Variants in CHDH observed in about 807,000 individuals in gnomAD.
CHDH encodes choline dehydrogenase, also known as choline dehydrogenase, mitochondrial.
In CHDH, 43 loss-of-function variants were observed where a neutral mutation model predicts 56.9. That is an observed-to-expected ratio of 0.76 (90% CI 0.59 to 0.97). CHDH has a LOEUF of 0.97. Among genes scored for constraint, CHDH ranks in the 50% least tolerant of loss-of-function variants. CHDH has a pLI of 0.00. For synonymous variants in CHDH, 364 were observed against 348.5 expected (o/e 1.04, Z -0.50); for missense variants, 816 against 821.1 (o/e 0.99, Z 0.08).
intron 2 of CHDH, among the ~76,000 whole-genome samples, chr3:53,840,478 G>C (rs972249024): frequency 1.3e-5 from 2 of 151,862 alleles, no homozygotes; most frequent in African/African-American, 4.8e-5. Context: ...CGTGAGCTAT[G>C]ATCTTGCCAC....
rs114763019 is a variant in CHDH, at chr3:53,843,042, G to A, written c.-130-2043C>T. On this transcript the variant is annotated intron_variant, in intron 1 of 8. Transcript: ENST00000315251. Reference sequence around the variant, plus strand: ...CTGGAAAATTCCACCTGTGTGGGTGGAGGCTGGACCCGCAGGACTTGTCAA... The same window carrying A: ...CTGGAAAATTCCACCTGTGTGGGTGAAGGCTGGACCCGCAGGACTTGTCAA... 7.1e-3 allele frequency among the ~76,000 whole-genome samples: 1,074 copies of A among 152,200 alleles called. 14 individuals are homozygous for A. Among genetic ancestry groups the A allele is most frequent in the African/African-American group, 0.025 (1,026 of 41,524 alleles).
At chr3:53,826,974 AACAC>A (rs1243104826) in intron 2 of CHDH, among the ~76,000 whole-genome samples, 1 of 152,218 alleles carries the variant, frequency 6.6e-6, no homozygotes, top group Non-Finnish European at 1.5e-5. Flanking sequence ...TGAAATTAAA[AACAC>A]AATATCATTT....
chr3:53,832,890 T>C (rs1027156418), intron 2 of CHDH, among the ~76,000 whole-genome samples: 2 of 152,212 alleles, frequency 1.3e-5, no homozygotes, highest in African/African-American at 4.8e-5. Context: ...GTGAATATAC[T>C]TAATGCCACT....
Position 53,823,824 on chromosome 3 carries a change from TC to T in CHDH, c.184del (p.Asp62ThrfsTer156). On this transcript the variant is annotated frameshift_variant, in exon 3 of 9. Transcript: ENST00000315251. LOFTEE classifies it high-confidence loss of function. The part of the protein sequence containing the change: ...GCVLAGRLTE[D>X]PAERVLLLEA... The stretch of plus-strand genomic sequence containing the variant: ...CAGCAGCAGCACGCGCTCGGCGGGG[TC>T]CTCCGTGAGCCTCCCAGCCAGCACG... 1.3e-6 allele frequency: 2 copies of T among 1,583,116 alleles called. No homozygotes were observed. The highest frequency in any genetic ancestry group is 1.7e-6 in the Non-Finnish European group (2 of 1,171,934).
intron 2 of CHDH, among the ~76,000 whole-genome samples, chr3:53,824,565 A>C (rs566930258): frequency 6.6e-6 from 1 of 152,312 alleles, no homozygotes; most frequent in South Asian, 2.1e-4. Context: ...TAAATAACTG[A>C]AGGAAGATCA....
chr3:53,838,941 C>T (rs1698589523), intron 2 of CHDH, among the ~76,000 whole-genome samples: 1 of 152,164 alleles, frequency 6.6e-6, no homozygotes, highest in African/African-American at 2.4e-5. Flanking sequence ...GATCAGGCCC[C>T]ATCATCTCCA....
At chr3:53,844,687 CCCA>C (rs1698795044) in intron 1 of CHDH, 1 of 152,538 alleles carries the variant, frequency 6.6e-6, no homozygotes, top group African/African-American at 2.4e-5. Context: ...CAGAGCCTGG[CCCA>C]CAGCACAGAA....
chr3:53,842,470 G>A (rs760017994), intron 1 of CHDH, among the ~76,000 whole-genome samples: 2 of 152,138 alleles, frequency 1.3e-5, no homozygotes, highest in Non-Finnish European at 2.9e-5. Context: ...TTGAGAGAAC[G>A]ACAACAGTAC....
In CHDH at chr3:53,823,865, C is replaced by T. The variant is rs1374557174; in HGVS notation, c.144G>A (p.Ala48=). ...RDEYSYVVVG[A]GSAGCVLAGR... ...CAGCCAGCACGCAGCCCGCCGAGCC[C>T]GCGCCCACCACCACATAGCTGTACT... Residue 48 remains alanine (A), a synonymous_variant, in exon 3 of 9, where the codon GCG becomes GCA. Transcript: ENST00000315251. 2.5e-6 allele frequency: 4 copies of T among 1,591,212 alleles called. No homozygotes were observed. Among genetic ancestry groups the T allele is most frequent in the Admixed American group, 1.7e-5 (1 of 58,860 alleles).
intron 3 of CHDH, among the ~76,000 whole-genome samples, 160 bp from the exon 4 acceptor site, chr3:53,822,802 C>G (rs2095630228): frequency 1.3e-5 from 2 of 151,628 alleles, no homozygotes; most frequent in Middle Eastern, 3.4e-3. Flanking sequence ...AAGACCCTGC[C>G]CTACTGAGTC....
intron 6 of CHDH, among the ~76,000 whole-genome samples, chr3:53,820,194 C>A (rs919744966): frequency 6.6e-6 from 1 of 152,220 alleles, no homozygotes; most frequent in East Asian, 1.9e-4. Flanking sequence ...CCTGCTCATC[C>A]GTAAGGAGGA....
At chr3:53,825,260 C>T (rs1395840142) in intron 2 of CHDH, among the ~76,000 whole-genome samples, 1 of 152,168 alleles carries the variant, frequency 6.6e-6, no homozygotes, top group Non-Finnish European at 1.5e-5. Context: ...AAAAGCAAGG[C>T]AAATAATGAC....
chr3:53,824,938 TG>T (rs2095636252), intron 2 of CHDH, among the ~76,000 whole-genome samples: 1 of 152,174 alleles, frequency 6.6e-6, no homozygotes, highest in Non-Finnish European at 1.5e-5. Context: ...CCACAAGCCC[TG>T]CACCAAGTAA....
At chr3:53,839,066 G>A (rs1036647769) in intron 2 of CHDH, among the ~76,000 whole-genome samples, 2 of 152,184 alleles carry the variant, frequency 1.3e-5, no homozygotes, top group Non-Finnish European at 2.9e-5. Context: ...AACAAGCGGG[G>A]AGCCCGGACC....
intron 2 of CHDH, among the ~76,000 whole-genome samples, chr3:53,834,526 G>A (rs889241928): frequency 6.6e-5 from 10 of 152,312 alleles, no homozygotes; most frequent in African/African-American, 2.2e-4. Flanking sequence ...TGCTTTATAC[G>A]ACAAGACAGA....
At chr3:53,820,960 A>G (rs1253550253) in intron 5 of CHDH, among the ~76,000 whole-genome samples, 1 of 152,238 alleles carries the variant, frequency 6.6e-6, no homozygotes, top group East Asian at 1.9e-4. Flanking sequence ...TGATGGCCAG[A>G]GGGGCAGACA....
intron 1 of CHDH, among the ~76,000 whole-genome samples, chr3:53,845,565 C>T (rs992399061): frequency 2.6e-5 from 4 of 152,072 alleles, no homozygotes; most frequent in Admixed American, 1.3e-4. Context: ...TGAACTTTCC[C>T]CCAAACCCAC....
intron 2 of CHDH, among the ~76,000 whole-genome samples, chr3:53,833,169 A>G (rs1698389185): frequency 6.6e-6 from 1 of 152,216 alleles, no homozygotes; most frequent in Non-Finnish European, 1.5e-5. Context: ...AATTGACAAG[A>G]TCAAGAGGCA....
intron 4 of CHDH, 118 bp downstream of exon 4, chr3:53,822,373 T>G: frequency 1.0e-6 from 1 of 958,106 alleles, no homozygotes; most frequent in Admixed American, 2.3e-5. Flanking sequence ...CCCCCCGCCA[T>G]CACAGGGATG....
Sources: allele counts gnomAD v4.1 joint callset (sites outside exome capture counted in the v4.1 genomes callset), GRCh38; gene constraint gnomAD v4.1.1; transcripts MANE v1.5; gene names NCBI Gene and HGNC (gene_info 2026-07-23, HGNC 2026-07-21).